The following PACRG variants were observed in gnomAD, a reference collection of about 807,000 sequenced individuals.
PACRG encodes parkin coregulated, also known as parkin coregulated gene protein.
PACRG carries 29 observed loss-of-function variants against 29.7 expected under a neutral mutation model. The ratio of observed to expected loss-of-function variants is 0.98; its 90% CI spans 0.73 to 1.33. PACRG has a LOEUF of 1.33. PACRG is among the 40% of genes most tolerant of loss of function. The pLI, the probability that PACRG is intolerant of heterozygous loss-of-function variation, is 0.00. For synonymous variants in PACRG, 116 were observed against 118.7 expected (o/e 0.98, Z 0.15); for missense variants, 279 against 316.2 (o/e 0.88, Z 0.89).
At chr6:162,948,375 A>C (rs1394691568) in intron 2 of PACRG, among the ~76,000 whole-genome samples, 2 of 152,124 alleles carry the variant, frequency 1.3e-5, no homozygotes, top group Non-Finnish European at 2.9e-5. Context: ...ATTTCTCACC[A>C]TATATAAAAA....
intron 1 of PACRG, among the ~76,000 whole-genome samples, chr6:162,801,610 G>A (rs1785881907): frequency 6.6e-6 from 1 of 152,096 alleles, no homozygotes; most frequent in South Asian, 2.1e-4. Flanking sequence ...GTCTCTGCAA[G>A]TACTTTAGAC....
chr6:163,204,836 A>G (rs1167127622), intron 4 of PACRG, among the ~76,000 whole-genome samples: 1 of 152,222 alleles, frequency 6.6e-6, no homozygotes, highest in African/African-American at 2.4e-5. Context: ...CCTCTGCTCA[A>G]GACCTCCTTG....
At chr6:162,745,459 A>G (rs1054979895) in intron 1 of PACRG, among the ~76,000 whole-genome samples, 3 of 152,308 alleles carry the variant, frequency 2.0e-5, no homozygotes, top group Non-Finnish European at 1.5e-5. Flanking sequence ...CTAGATTTTG[A>G]TTGATAGGTG....
intron 4 of PACRG, chr6:163,100,752 T>C: frequency 8.2e-6 from 8 of 976,874 alleles, no homozygotes; most frequent in Non-Finnish European, 9.7e-6. Context: ...CTGTAATTTT[T>C]ACTTTGACAG....
chr6:162,747,342 A>G (rs191958711), intron 1 of PACRG, among the ~76,000 whole-genome samples: 17 of 71,244 alleles, frequency 2.4e-4, no homozygotes, highest in African/African-American at 7.4e-4. Flanking sequence ...ATATATATAT[A>G]TATATATATA....
intron 2 of PACRG, among the ~76,000 whole-genome samples, chr6:162,901,499 G>A (rs1435984423): frequency 6.6e-6 from 1 of 152,110 alleles, no homozygotes; most frequent in Non-Finnish European, 1.5e-5. Flanking sequence ...ATAAAGGTGA[G>A]GTTACTAGGA....
intron 2 of PACRG, among the ~76,000 whole-genome samples, chr6:162,827,182 T>A (rs984158769): frequency 4.6e-5 from 7 of 152,340 alleles, no homozygotes; most frequent in African/African-American, 1.7e-4. Context: ...ATTGGTAATA[T>A]TAAAACCACA....
At chr6:162,754,448 G>A (rs1395634266) in intron 1 of PACRG, among the ~76,000 whole-genome samples, 9 of 152,014 alleles carry the variant, frequency 5.9e-5, no homozygotes, top group African/African-American at 2.2e-4. Flanking sequence ...CCTTTGCTGT[G>A]CAGAAACTTT....
At chr6:163,231,151 C>G (rs1241471249) in intron 4 of PACRG, among the ~76,000 whole-genome samples, 10 of 152,182 alleles carry the variant, frequency 6.6e-5, no homozygotes, top group African/African-American at 2.4e-4. Context: ...GCAAGGTGGG[C>G]AGGCCCACGG....
At chr6:163,154,300 G>A (rs371875806) in intron 4 of PACRG, among the ~76,000 whole-genome samples, 1 of 152,234 alleles carries the variant, frequency 6.6e-6, no homozygotes, top group Non-Finnish European at 1.5e-5. Context: ...TCATTGGCCA[G>A]TGCCACTGCA....
intron 4 of PACRG, among the ~76,000 whole-genome samples, chr6:163,178,424 T>C (rs1779492953): frequency 6.6e-6 from 1 of 152,124 alleles, no homozygotes; most frequent in Non-Finnish European, 1.5e-5. Flanking sequence ...AGCCTGGAAC[T>C]CAAACGAGAA....
At chr6:162,946,847 A>C (rs965967577) in intron 2 of PACRG, among the ~76,000 whole-genome samples, 6 of 152,190 alleles carry the variant, frequency 3.9e-5, no homozygotes, top group African/African-American at 9.6e-5. Flanking sequence ...AACATGATAC[A>C]TCAAATCAAC....
chr6:163,042,777 A>T (rs887373432), intron 2 of PACRG: 3 of 152,030 alleles, frequency 2.0e-5, no homozygotes, highest in African/African-American at 7.2e-5. Flanking sequence ...GAAAGCAGAG[A>T]TTCTACTACA....
intron 3 of PACRG, among the ~76,000 whole-genome samples, chr6:163,083,533 G>A (rs898934750): frequency 3.9e-5 from 6 of 152,138 alleles, no homozygotes; most frequent in Non-Finnish European, 7.4e-5. Context: ...TGTGTCAGGG[G>A]CGTGTCCTCA....
At chr6:163,271,194 T>G (rs948298923) in intron 4 of PACRG, among the ~76,000 whole-genome samples, 1 of 152,066 alleles carries the variant, frequency 6.6e-6, no homozygotes, top group African/African-American at 2.4e-5. Flanking sequence ...GGCAGTCTAG[T>G]CTTTTCACAT....
intron 4 of PACRG, chr6:163,100,909 T>C (rs1016392680): frequency 1.0e-6 from 1 of 984,848 alleles, no homozygotes; most frequent in Non-Finnish European, 1.2e-6. Flanking sequence ...CATGTACATC[T>C]TGAATTAATG....
intron 2 of PACRG, among the ~76,000 whole-genome samples, chr6:163,026,782 G>A (rs907716789): frequency 1.3e-5 from 2 of 152,360 alleles, no homozygotes; most frequent in South Asian, 2.1e-4. Context: ...TAAATAAGGC[G>A]TTTCATAGCT....
intron 2 of PACRG, among the ~76,000 whole-genome samples, chr6:162,904,672 G>A (rs150859306): frequency 6.6e-6 from 1 of 152,280 alleles, no homozygotes; most frequent in East Asian, 1.9e-4. Context: ...TTTTTCACCA[G>A]TGTTTTAGTG....
chr6:163,304,926 C>A (rs1432970352), intron 4 of PACRG, among the ~76,000 whole-genome samples: 1 of 152,174 alleles, frequency 6.6e-6, no homozygotes, highest in Non-Finnish European at 1.5e-5. Context: ...ATAAATTGTT[C>A]TGCAGGGTAA....
Sources: gnomAD v4.1 joint callset for allele counts (sites outside exome capture counted in the v4.1 genomes callset) on GRCh38, gnomAD v4.1.1 for gene constraint, MANE v1.5 for transcripts, NCBI Gene and HGNC (gene_info 2026-07-23, HGNC 2026-07-21) for gene names.